NCKAP5: variants seen among roughly 807,000 people sequenced by gnomAD.
The protein encoded by NCKAP5 is nck-associated protein 5.
NCKAP5 carries 92 observed loss-of-function variants against 167.0 expected under a neutral mutation model. The ratio of observed to expected loss-of-function variants is 0.55; its 90% confidence interval spans 0.47 to 0.66. The LOEUF (loss-of-function observed/expected upper bound fraction) is 0.66. NCKAP5 is among the 30% of genes least tolerant of loss of function. NCKAP5 has a pLI of 0.00. For synonymous variants in NCKAP5, 891 were observed against 877.4 expected (o/e 1.02, Z -0.27); for missense variants, 2,378 against 2,315.0 (o/e 1.03, Z -0.56).
intron 3 of NCKAP5, among the ~76,000 whole-genome samples, chr2:133,344,407 CAA>C (rs376699332): frequency 4.2e-4 from 38 of 90,216 alleles, no homozygotes; most frequent in Admixed American, 7.8e-4. Flanking sequence ...AACTTTGTCT[CAA>C]AAAAAAAAAA....
At chr2:133,495,142 C>T (rs913768977) in intron 3 of NCKAP5, among the ~76,000 whole-genome samples, 3 of 152,192 alleles carry the variant, frequency 2.0e-5, no homozygotes, top group Admixed American at 1.3e-4. Context: ...AGTTGTCCTG[C>T]CTTTCTGGAC....
intron 3 of NCKAP5, among the ~76,000 whole-genome samples, chr2:133,444,403 GAT>G (rs1553641904): frequency 9.5e-6 from 1 of 105,276 alleles, no homozygotes; most frequent in African/African-American, 4.0e-5. Flanking sequence ...TAGATAGATA[GAT>G]AGATATAGAT....
chr2:133,604,469 G>GT, the NCKAP5 span, among the ~76,000 whole-genome samples: 1 of 152,094 alleles, frequency 6.6e-6, no homozygotes, highest in African/African-American at 2.4e-5. Context: ...GCCTCCTAAA[G>GT]TGCTGGAATT....
intron 4 of NCKAP5, among the ~76,000 whole-genome samples, chr2:133,296,268 C>G: frequency 6.6e-6 from 1 of 152,212 alleles, no homozygotes; most frequent in East Asian, 1.9e-4. Flanking sequence ...ACTGACTCGG[C>G]GCAAGAAGAC....
At chr2:132,999,090 C>A (rs1453116825) in intron 6 of NCKAP5, among the ~76,000 whole-genome samples, 1 of 152,046 alleles carries the variant, frequency 6.6e-6, no homozygotes, top group Non-Finnish European at 1.5e-5. Context: ...AAAGTTAACT[C>A]CTAGGACAGC....
intron 3 of NCKAP5, among the ~76,000 whole-genome samples, chr2:133,500,089 T>G (rs1442440170): frequency 6.6e-6 from 1 of 152,142 alleles, no homozygotes; most frequent in African/African-American, 2.4e-5. Flanking sequence ...ACACAGAATC[T>G]TATAAAAAGG....
At chr2:133,020,222 C>T (rs1174028578) in intron 6 of NCKAP5, among the ~76,000 whole-genome samples, 1 of 152,188 alleles carries the variant, frequency 6.6e-6, no homozygotes, top group East Asian at 1.9e-4. Context: ...TGCTAAGGAA[C>T]ACAGCATAAA....
chr2:132,781,001 C>A, intron 15 of NCKAP5, 51 bp downstream of exon 15: 3 of 1,570,852 alleles, frequency 1.9e-6, no homozygotes, highest in Non-Finnish European at 2.6e-6. Flanking sequence ...AAGACCCCAG[C>A]CAGAACATCT....
At chr2:133,285,611 A>G (rs1161258396) in intron 4 of NCKAP5, among the ~76,000 whole-genome samples, 2 of 152,218 alleles carry the variant, frequency 1.3e-5, no homozygotes, top group Non-Finnish European at 2.9e-5. Context: ...CCCTTAGCAC[A>G]CTATATCTTC....
Position 133,303,526 on chromosome 2 carries a change from G to A in NCKAP5, c.70-416C>T, listed in dbSNP as rs150619767. ...AGCAAAAGTAATGTTTTCAAACTAT[G>A]TAGAATGTTTTATATAAATATAATA... On this transcript the variant is annotated intron_variant, in intron 3 of 19. Transcript: ENST00000409261. Among the ~76,000 whole-genome samples, 749 of 152,198 alleles carry A rather than the reference G, an allele frequency of 4.9e-3. 7 individuals carry two copies. Among genetic ancestry groups the A allele is most frequent in the African/African-American group, 0.017 (711 of 41,512 alleles).
At chr2:132,779,675 G>A (rs915874793) in intron 15 of NCKAP5, among the ~76,000 whole-genome samples, 3 of 147,606 alleles carry the variant, frequency 2.0e-5, no homozygotes, top group Non-Finnish European at 4.4e-5. Context: ...AAGACCTTAT[G>A]GCTCTGTAGA....
intron 3 of NCKAP5, among the ~76,000 whole-genome samples, chr2:133,441,539 C>G (rs1021631011): frequency 1.3e-5 from 2 of 152,178 alleles, no homozygotes; most frequent in Admixed American, 1.3e-4. Flanking sequence ...AGTCTAGGTA[C>G]AAATTGCCCA....
chr2:132,704,386 G>A (rs1688159835), intron 19 of NCKAP5, among the ~76,000 whole-genome samples: 1 of 152,056 alleles, frequency 6.6e-6, no homozygotes, highest in Non-Finnish European at 1.5e-5. Context: ...ATTTTAGCTT[G>A]CCACATACTA....
At chr2:133,387,179 G>T (rs886734805) in intron 3 of NCKAP5, among the ~76,000 whole-genome samples, 3 of 152,164 alleles carry the variant, frequency 2.0e-5, no homozygotes, top group Non-Finnish European at 4.4e-5. Flanking sequence ...TGCAGTGGCT[G>T]GTACTGGTTG....
chr2:133,671,042 C>G, the NCKAP5 span, among the ~76,000 whole-genome samples: 9 of 151,710 alleles, frequency 5.9e-5, no homozygotes, highest in African/African-American at 1.9e-4. Context: ...GGTGAAACCC[C>G]ATCTCTACTA....
At chr2:132,826,133 A>G (rs573504812) in intron 11 of NCKAP5, among the ~76,000 whole-genome samples, 3 of 152,304 alleles carry the variant, frequency 2.0e-5, no homozygotes, top group South Asian at 4.1e-4. Flanking sequence ...CTCTCCATGA[A>G]TGTGTACACA....
chr2:132,975,533 C>G (rs1488075837), intron 7 of NCKAP5, among the ~76,000 whole-genome samples: 2 of 152,144 alleles, frequency 1.3e-5, no homozygotes, highest in Admixed American at 6.5e-5. Context: ...AATTCTAAAA[C>G]CACTTTACAT....
chr2:133,516,610 TG>T (rs1347519229), intron 3 of NCKAP5, among the ~76,000 whole-genome samples: 1 of 152,154 alleles, frequency 6.6e-6, no homozygotes, highest in East Asian at 1.9e-4. Flanking sequence ...CTGCAAAGTT[TG>T]AAAGGTATAA....
chr2:132,994,735 G>A (rs893910370), intron 6 of NCKAP5, among the ~76,000 whole-genome samples: 4 of 152,154 alleles, frequency 2.6e-5, no homozygotes, highest in Admixed American at 2.0e-4. Flanking sequence ...CTTCATAACA[G>A]GAATACGTTC....
Sources: gnomAD v4.1 joint callset for allele counts (sites outside exome capture counted in the v4.1 genomes callset) on GRCh38, gnomAD v4.1.1 for gene constraint, MANE v1.5 for transcripts, NCBI Gene and HGNC (gene_info 2026-07-23, HGNC 2026-07-21) for gene names.